TBL1XR1: variants seen among roughly 807,000 people sequenced by gnomAD.
TBL1XR1 encodes the protein TBL1X/Y related 1, also known as F-box-like/WD repeat-containing protein TBL1XR1.
In TBL1XR1, 5 loss-of-function variants were observed where a neutral mutation model predicts 66.9. The ratio of observed to expected loss-of-function variants is 0.07; its 90% confidence interval spans 0.04 to 0.16. TBL1XR1 has a LOEUF of 0.16. TBL1XR1 is among the 10% of genes least tolerant of loss of function. The probability of loss-of-function intolerance (pLI) is 1.00; values close to 1 mark genes in which losing one functional copy is unlikely to be tolerated. For synonymous variants in TBL1XR1, 210 were observed against 206.0 expected (o/e 1.02, Z -0.17); for missense variants, 238 against 623.2 (o/e 0.38, Z 6.58).
In TBL1XR1 at chr3:177,069,783, A is replaced by AAAGGAAGGAAAGGAAGG. The variant is rs145829799; in HGVS notation, c.-45-4762_-45-4761insCCTTCCTTTCCTTCCTT. Among the ~76,000 whole-genome samples the AAAGGAAGGAAAGGAAGG allele has an allele frequency of 2.1e-3, 196 of 95,416 alleles. 3 individuals carry two copies. The highest frequency in any genetic ancestry group is 6.8e-3 in the African/African-American group (166 of 24,276). 62.6% of individuals were successfully genotyped at this position (95,416 alleles called of 152,430 possible). On this transcript the variant is annotated intron_variant, in intron 2 of 15. Transcript: ENST00000457928. ...AGGAAAGAAAGGAAGGAAAGGAAGGAAAAGGAAGGAAAGGAAGGAAGGAAG... is the reference window on the plus strand; with the variant it reads ...AGGAAAGAAAGGAAGGAAAGGAAGGAAAGGAAGGAAAGGAAGGAAAGGAAGGAAAGGAAGGAAGGAAG...
chr3:177,040,915 T>A (rs544410207), intron 10 of TBL1XR1, among the ~76,000 whole-genome samples: 1 of 152,204 alleles, frequency 6.6e-6, no homozygotes, highest in Admixed American at 6.5e-5. Context: ...GGAGGTTACA[T>A]GAAATTTCAA....
At chr3:177,057,877 T>A (rs1718000206) in intron 3 of TBL1XR1, among the ~76,000 whole-genome samples, 1 of 152,128 alleles carries the variant, frequency 6.6e-6, no homozygotes, top group East Asian at 1.9e-4. Context: ...AAGTATATAG[T>A]CATTCAGTGA....
chr3:177,061,925 G>T lies in TBL1XR1; in HGVS notation c.58+2995C>A, dbSNP rs545037179. On this transcript the variant is annotated intron_variant, in intron 3 of 15. Transcript: ENST00000457928. Reference sequence around the variant, plus strand: ...AGATCAGAACCAAAAAAAAGCTTTGGAATAAGTGGCAAGTGCCCAGATCTA... The same window carrying T: ...AGATCAGAACCAAAAAAAAGCTTTGTAATAAGTGGCAAGTGCCCAGATCTA... Among the ~76,000 whole-genome samples, 8 of 152,226 alleles carry T rather than the reference G, an allele frequency of 5.3e-5. No homozygotes were observed. In the East Asian group the frequency reaches 1.5e-3, roughly 29 times the overall value.
intron 1 of TBL1XR1, chr3:177,131,405 T>TACTG: frequency 2.0e-6 from 2 of 985,186 alleles, no homozygotes. Flanking sequence ...CTGAGCTCAA[T>TACTG]ACTGCATAAA....
intron 2 of TBL1XR1, among the ~76,000 whole-genome samples, chr3:177,075,171 G>A (rs552719162): frequency 2.0e-5 from 3 of 152,340 alleles, no homozygotes; most frequent in East Asian, 1.9e-4. Context: ...AAAGAGAGTC[G>A]TTCTATCCAT....
intron 2 of TBL1XR1, among the ~76,000 whole-genome samples, chr3:177,070,678 A>G (rs544186056): frequency 6.6e-6 from 1 of 152,082 alleles, no homozygotes; most frequent in South Asian, 2.1e-4. Context: ...GCGAAACCCC[A>G]TCTCTACTAA....
At chr3:177,077,485 C>A (rs775551121) in intron 2 of TBL1XR1, among the ~76,000 whole-genome samples, 1 of 152,144 alleles carries the variant, frequency 6.6e-6, no homozygotes, top group East Asian at 1.9e-4. Flanking sequence ...AAAATCTACA[C>A]GTTCTAAAAT....
intron 1 of TBL1XR1, chr3:177,136,205 A>T (rs1728976800): frequency 1.3e-5 from 2 of 152,220 alleles, no homozygotes; most frequent in African/African-American, 4.8e-5. Flanking sequence ...TGTATAAGGC[A>T]GAGATAGGTA....
chr3:177,098,859 T>C (rs930819317), intron 1 of TBL1XR1, among the ~76,000 whole-genome samples: 1 of 152,184 alleles, frequency 6.6e-6, no homozygotes, highest in African/African-American at 2.4e-5. Context: ...CCAATTAGTA[T>C]GTTCATAATC....
At chr3:177,187,010 C>G (rs184941821) in intron 1 of TBL1XR1, among the ~76,000 whole-genome samples, 59 of 151,922 alleles carry the variant, frequency 3.9e-4, no homozygotes, top group Non-Finnish European at 7.5e-4. Flanking sequence ...CCTAAAAACA[C>G]AAAAAAATTA....
intron 1 of TBL1XR1, among the ~76,000 whole-genome samples, chr3:177,161,596 A>C (rs1202692224): frequency 6.6e-6 from 1 of 151,998 alleles, no homozygotes; most frequent in Non-Finnish European, 1.5e-5. Context: ...CAGCCTGGCC[A>C]ACTTGGTGAA....
At chr3:177,131,906 TAAAAAA>T (rs71626253) in intron 1 of TBL1XR1, among the ~76,000 whole-genome samples, 1 of 145,012 alleles carries the variant, frequency 6.9e-6, no homozygotes, top group Admixed American at 6.8e-5. Context: ...AGTGGAAGTT[TAAAAAA>T]AAAAAAAAAA....
chr3:177,080,291 C>A (rs1333214360), intron 2 of TBL1XR1, among the ~76,000 whole-genome samples: 1 of 152,088 alleles, frequency 6.6e-6, no homozygotes, highest in African/African-American at 2.4e-5. Flanking sequence ...TAATGAGTAA[C>A]CCAAATTATG....
chr3:177,112,807 A>C (rs1225457977), intron 1 of TBL1XR1, among the ~76,000 whole-genome samples: 3 of 152,076 alleles, frequency 2.0e-5, no homozygotes, highest in African/African-American at 7.2e-5. Flanking sequence ...GTTCGAAACC[A>C]GCCTGGCCAA....
intron 2 of TBL1XR1, among the ~76,000 whole-genome samples, chr3:177,075,128 C>T (rs1720530151): frequency 6.6e-6 from 1 of 152,222 alleles, no homozygotes; most frequent in Non-Finnish European, 1.5e-5. Flanking sequence ...CTGAAGTGAA[C>T]TGTGTTGGCA....
rs561072727 is a variant in TBL1XR1 at position 177,192,168 on chromosome 3, C to A, written c.-122+4953G>T. Among the ~76,000 whole-genome samples, 4 of 150,896 alleles carry A rather than the reference C, an allele frequency of 2.7e-5. No individual in the cohort carries two copies. The South Asian group carries it at 8.4e-4, about 32-fold the overall frequency. ...ATCCCAGCACTTTGGGAGGCCAAAG[C>A]GGGCAGATCACAAGGTCAAGAGATG... On this transcript the variant is annotated intron_variant, in intron 1 of 15. Coordinates refer to ENST00000457928, the MANE Select transcript of TBL1XR1 (RefSeq NM_024665.7).
intron 1 of TBL1XR1, among the ~76,000 whole-genome samples, chr3:177,189,299 CA>C (rs1454825662): frequency 7.3e-4 from 69 of 94,578 alleles, no homozygotes; most frequent in African/African-American, 2.2e-3. Context: ...GGGCAGATAA[CA>C]AGGCCCAGAG....
intron 1 of TBL1XR1, among the ~76,000 whole-genome samples, chr3:177,182,518 A>C (rs1734948079): frequency 6.6e-6 from 1 of 152,246 alleles, no homozygotes; most frequent in Non-Finnish European, 1.5e-5. Context: ...CTACTGTACT[A>C]GCAAACGTAT....
At chr3:177,047,764 G>C in intron 7 of TBL1XR1, 2 of 531,928 alleles carry the variant, frequency 3.8e-6, no homozygotes, top group South Asian at 2.7e-5. Flanking sequence ...TATATCCAAA[G>C]TTCAACAACT....
Sources: gnomAD v4.1 joint callset for allele counts (sites outside exome capture counted in the v4.1 genomes callset) on GRCh38, gnomAD v4.1.1 for gene constraint, MANE v1.5 for transcripts, NCBI Gene and HGNC (gene_info 2026-07-23, HGNC 2026-07-21) for gene names.